MACROD2: variants seen among roughly 807,000 people sequenced by gnomAD.
The protein encoded by MACROD2 is ADP-ribose glycohydrolase MACROD2.
A neutral mutation model predicts 70.4 loss-of-function variants in MACROD2; 36 were observed. The ratio of observed to expected loss-of-function variants is 0.51; its 90% confidence interval spans 0.39 to 0.68. The LOEUF is 0.68. Ranked by LOEUF, MACROD2 falls within the 30% of genes least tolerant of loss-of-function variation. The probability of loss-of-function intolerance (pLI) is 0.00; values close to 1 mark genes in which losing one functional copy is unlikely to be tolerated. For missense variants in MACROD2, 496 were observed against 538.4 expected, an observed-to-expected ratio of 0.92 and a Z score of 0.78; for synonymous variants, 172 against 178.8, an observed-to-expected ratio of 0.96 and a Z score of 0.30.
chr20:14,195,117 A>G (rs1222387534), intron 3 of MACROD2, among the ~76,000 whole-genome samples: 2 of 152,214 alleles, frequency 1.3e-5, no homozygotes, highest in Non-Finnish European at 2.9e-5. Context: ...AGAAGAATTT[A>G]TCTATTAATA....
At chr20:15,480,651 T>C (rs1784078844) in intron 7 of MACROD2, among the ~76,000 whole-genome samples, 1 of 152,082 alleles carries the variant, frequency 6.6e-6, no homozygotes, top group Non-Finnish European at 1.5e-5. Context: ...AGGAGTCAGG[T>C]TACCAGGAGG....
intron 4 of MACROD2, among the ~76,000 whole-genome samples, chr20:14,540,203 C>T (rs1364239470): frequency 6.6e-6 from 1 of 151,888 alleles, no homozygotes. Flanking sequence ...TTTATGTTGC[C>T]CTTGTTTGCA....
At chr20:15,332,008 T>C (rs866029948) in intron 6 of MACROD2, among the ~76,000 whole-genome samples, 2 of 151,508 alleles carry the variant, frequency 1.3e-5, no homozygotes, top group Non-Finnish European at 2.9e-5. Context: ...TTCACTATGA[T>C]AAAAACAAAA....
chr20:15,497,689 G>T (rs756652540), intron 7 of MACROD2, among the ~76,000 whole-genome samples: 3 of 152,116 alleles, frequency 2.0e-5, no homozygotes, highest in Non-Finnish European at 4.4e-5. Flanking sequence ...GGGACTCACA[G>T]CTTATTTCTG....
intron 4 of MACROD2, among the ~76,000 whole-genome samples, chr20:14,663,583 T>C (rs774408782): frequency 3.4e-4 from 52 of 151,334 alleles, no homozygotes; most frequent in Non-Finnish European, 7.1e-4. Flanking sequence ...TATAAAATGA[T>C]GTGCATATAT....
intron 8 of MACROD2, among the ~76,000 whole-genome samples, chr20:15,609,591 G>A (rs550485424): frequency 6.6e-6 from 1 of 151,094 alleles, no homozygotes; most frequent in Non-Finnish European, 1.5e-5. Context: ...GCCCATGTGA[G>A]TGGAAGGTGA....
chr20:14,252,035 T>C (rs1433424042), intron 3 of MACROD2, among the ~76,000 whole-genome samples: 1 of 152,104 alleles, frequency 6.6e-6, no homozygotes, highest in African/African-American at 2.4e-5. Context: ...TTTAGCACTG[T>C]CTACCACTTA....
At chr20:16,019,746 G>C (rs1356723062) in intron 15 of MACROD2, among the ~76,000 whole-genome samples, 1 of 152,208 alleles carries the variant, frequency 6.6e-6, no homozygotes, top group East Asian at 1.9e-4. Context: ...CAGGCTGTGA[G>C]AGGATCCAGA....
intron 3 of MACROD2, among the ~76,000 whole-genome samples, chr20:14,483,774 A>G (rs1179097660): frequency 6.6e-6 from 1 of 152,226 alleles, no homozygotes; most frequent in Non-Finnish European, 1.5e-5. Context: ...TTTAATTAGA[A>G]AGTAGTGGAA....
At chr20:15,606,547 TGTGTCCCAACGC>T (rs1403113069) in intron 8 of MACROD2, among the ~76,000 whole-genome samples, 2 of 152,220 alleles carry the variant, frequency 1.3e-5, no homozygotes, top group Non-Finnish European at 2.9e-5. Flanking sequence ...GTATGGTATT[TGTGTCCCAACGC>T]ACTAATTTTA....
chr20:15,107,347 CAT>C lies in MACROD2; in HGVS notation c.419-122591_419-122590del, dbSNP rs1174398921. ...TTAGTTCTAGGAAGCTGAGCTGACA[CAT>C]AACCAATTAATAGTTGAAAAAAAAA... On this transcript the variant is annotated intron_variant, in intron 5 of 17. Transcript: ENST00000684519. 9.2e-5 allele frequency among the ~76,000 whole-genome samples: 14 copies of C among 151,896 alleles called. No homozygotes were observed. The East Asian group carries it at 1.2e-3, about 13-fold the overall frequency.
At chr20:15,580,956 T>C (rs1282484350) in intron 8 of MACROD2, among the ~76,000 whole-genome samples, 2 of 152,184 alleles carry the variant, frequency 1.3e-5, no homozygotes, top group Non-Finnish European at 2.9e-5. Context: ...ACAGACAAAG[T>C]CTGTGCAGGT....
intron 4 of MACROD2, among the ~76,000 whole-genome samples, chr20:14,627,795 G>A (rs1261922233): frequency 6.6e-6 from 1 of 152,128 alleles, no homozygotes; most frequent in Non-Finnish European, 1.5e-5. Context: ...CATATATGAG[G>A]CAGTGTGCCA....
Position 14,910,673 on chromosome 20 carries a change from T to C in MACROD2, c.418+225714T>C, listed in dbSNP as rs1032320347. ...ATGTCACTCTCATTATGGGTCAGAG[T>C]TTGGTTACAACCCATTGACTGCTCT... On this transcript the variant is annotated intron_variant, in intron 5 of 17. Coordinates refer to ENST00000684519, the MANE Select transcript of MACROD2 (RefSeq NM_001351661.2). Among the ~76,000 whole-genome samples, 5 of 152,262 alleles carry C rather than the reference T, an allele frequency of 3.3e-5. No individual in the cohort carries two copies. The East Asian group carries it at 7.8e-4, about 24-fold the overall frequency.
chr20:15,160,360 CA>C (rs1724244572), intron 5 of MACROD2, among the ~76,000 whole-genome samples: 1 of 152,018 alleles, frequency 6.6e-6, no homozygotes, highest in South Asian at 2.1e-4. Context: ...ACAACAATTC[CA>C]AAGTTTCAAC....
chr20:15,744,470 T>C lies in MACROD2; in HGVS notation c.646-118275T>C, dbSNP rs114348951. Among the ~76,000 whole-genome samples, 361 of 152,278 alleles carry C rather than the reference T, an allele frequency of 2.4e-3. 1 individual carries two copies. Among genetic ancestry groups the C allele is most frequent in the African/African-American group, 8.4e-3 (351 of 41,564 alleles). On this transcript the variant is annotated intron_variant, in intron 8 of 17. Transcript: ENST00000684519. ...ATAAGTAAAGCTGGCAGAGTTATAC[T>C]TGCTGTACTTGCAGTTACCAAATTT... is the stretch of plus-strand genomic sequence containing the variant.
At chr20:15,039,156 G>A (rs986758822) in intron 5 of MACROD2, among the ~76,000 whole-genome samples, 4 of 152,142 alleles carry the variant, frequency 2.6e-5, no homozygotes, top group Non-Finnish European at 4.4e-5. Context: ...TTTTTTTAAT[G>A]CTTAGGACTG....
chr20:14,259,836 C>G (rs2082087828), intron 3 of MACROD2, among the ~76,000 whole-genome samples: 1 of 152,168 alleles, frequency 6.6e-6, no homozygotes, highest in Non-Finnish European at 1.5e-5. Flanking sequence ...GCTGTCTATC[C>G]TTTGTTTATG....
intron 9 of MACROD2, among the ~76,000 whole-genome samples, chr20:15,878,048 A>G (rs867604348): frequency 7.9e-5 from 12 of 151,964 alleles, no homozygotes; most frequent in African/African-American, 2.9e-4. Context: ...CATGCCACCC[A>G]CAGACCTCCT....
Sources: gnomAD v4.1 joint callset for allele counts (sites outside exome capture counted in the v4.1 genomes callset) on GRCh38, gnomAD v4.1.1 for gene constraint, MANE v1.5 for transcripts, NCBI Gene and HGNC (gene_info 2026-07-23, HGNC 2026-07-21) for gene names.